The following CAPN2 variants were observed in gnomAD, a reference collection of about 807,000 sequenced individuals.
The protein encoded by CAPN2 is calpain-2 catalytic subunit.
CAPN2 carries 92 observed loss-of-function variants against 102.3 expected under a neutral mutation model. That is an observed-to-expected ratio of 0.90 (90% CI 0.76 to 1.07). CAPN2 has a LOEUF of 1.07. CAPN2 is among the 50% of genes least tolerant of loss of function. The probability of loss-of-function intolerance (pLI) is 0.00; values close to 1 mark genes in which losing one functional copy is unlikely to be tolerated. For missense variants in CAPN2, 800 were observed against 909.4 expected (o/e 0.88, Z 1.55); for synonymous variants, 340 against 355.4 (o/e 0.96, Z 0.49).
At chr1:223,768,415 C>T (rs989642980) in intron 16 of CAPN2, among the ~76,000 whole-genome samples, 31 of 150,242 alleles carry the variant, frequency 2.1e-4, no homozygotes, top group Non-Finnish European at 3.7e-4. Context: ...ATATGGCTAG[C>T]CAGTTTTCCC....
Position 223,770,464 on chromosome 1 carries a change from C to A in CAPN2, c.1842C>A (p.Ile614=), listed in dbSNP as rs779179250. 32 of 1,613,108 alleles carry A rather than the reference C, an allele frequency of 2.0e-5. No individual in the cohort carries two copies. The Middle Eastern group carries it at 6.6e-4, about 33-fold the overall frequency. ...TGTTCCAGAAAATTTACCGAGAAAT[C>A]GACGTTGACAGGTCTGGTACCATGA... is the stretch of plus-strand genomic sequence containing the variant. ...IQKYQKIYRE[I]DVDRSGTMNS... The change falls in exon 18 of 21, where the codon ATC becomes ATA. Residue 614 remains isoleucine (I), a synonymous_variant. Transcript: ENST00000295006.
rs1660188276 is a variant in CAPN2, at chr1:223,726,304, GA to G, written c.307+8474del. On this transcript the variant is annotated intron_variant, in intron 2 of 20. Coordinates refer to ENST00000295006, the MANE Select transcript of CAPN2 (RefSeq NM_001748.5). This position sits in a 1 kb window ranked among gnomAD's most constrained non-coding sequence, Gnocchi z 4.4. ...TGATGAGAGCAGGGATGGGGAGGAA[GA>G]GGGTGGGTTTGCCTGCGCCTGGGGG... Among the ~76,000 whole-genome samples the G allele has an allele frequency of 6.6e-6, 1 of 152,174 alleles. No homozygotes were observed. The highest frequency in any genetic ancestry group is 2.1e-4 in the South Asian group (1 of 4,826).
chr1:223,703,336 G>C (rs1659528199), intron 1 of CAPN2, among the ~76,000 whole-genome samples: 1 of 151,382 alleles, frequency 6.6e-6, no homozygotes, highest in Admixed American at 6.6e-5. Context: ...TTAGATGGGG[G>C]TCTCTCTATG....
intron 2 of CAPN2, among the ~76,000 whole-genome samples, chr1:223,720,315 C>CTCTTTTTTTTTT (rs564518898): frequency 3.7e-5 from 4 of 107,468 alleles, no homozygotes; most frequent in East Asian, 5.4e-4. Context: ...CTCTTTCTCT[C>CTCTTTTTTTTTT]TTTTTTTTTT....
rs1413497070 is a variant in CAPN2, at chr1:223,726,605, T to C, written c.307+8774T>C. Among the ~76,000 whole-genome samples the C allele has an allele frequency of 1.3e-5, 2 of 152,076 alleles. No homozygotes were observed. The highest frequency in any genetic ancestry group is 2.9e-5 in the Non-Finnish European group (2 of 68,006). On this transcript the variant is annotated intron_variant, in intron 2 of 20. Coordinates refer to ENST00000295006, the MANE Select transcript of CAPN2 (RefSeq NM_001748.5). This position sits in a 1 kb window ranked among gnomAD's most constrained non-coding sequence, Gnocchi z 4.4. ...CTTTTAGGGCCTCCCTTCTGGCAGA[T>C]AGGGCAGGGAGAAGGGAAAGGAAAG...
At chr1:223,732,550 G>C (rs1660362233) in intron 2 of CAPN2, among the ~76,000 whole-genome samples, 1 of 152,066 alleles carries the variant, frequency 6.6e-6, no homozygotes, top group South Asian at 2.1e-4. Flanking sequence ...TCACCATCTT[G>C]GTTTTGGTAG....
Position 223,712,712 on chromosome 1 carries a change from C to A in CAPN2, c.72C>A (p.Ala24=). 6.3e-7 allele frequency: 1 copy of A among 1,583,740 alleles called. No individual in the cohort carries two copies. The highest frequency in any genetic ancestry group is 2.4e-5 in the East Asian group (1 of 42,064). ...AAEGLGSHDR[A]IKYLNQDYEA... is the part of the protein sequence containing the mutation. ...AGGGGCTGGGCTCCCACGACAGGGC[C>A]ATCAAGTACCTCAACCAGGACTACG... Residue 24 remains alanine (A), a synonymous_variant, in exon 1 of 21, where the codon GCC becomes GCA. Coordinates refer to ENST00000295006, the MANE Select transcript of CAPN2 (RefSeq NM_001748.5).
At chr1:223,734,613 C>T (rs1660406396) in intron 2 of CAPN2, among the ~76,000 whole-genome samples, 1 of 152,156 alleles carries the variant, frequency 6.6e-6, no homozygotes, top group Non-Finnish European at 1.5e-5. Flanking sequence ...ACAACCCTCT[C>T]TCCTTGCCCC....
Position 223,752,009 on chromosome 1 carries a change from G to C in CAPN2, c.912G>C (p.Trp304Cys). 1.2e-6 allele frequency: 2 copies of C among 1,609,790 alleles called. No individual in the cohort carries two copies. The highest frequency in any genetic ancestry group is 1.7e-6 in the Non-Finnish European group (2 of 1,177,842). The change falls in exon 8 of 21, where the codon TGG (tryptophan) becomes TGC (cysteine). Residue 304 changes from tryptophan (W) to cysteine (C), a missense_variant. Coordinates refer to ENST00000295006, the MANE Select transcript of CAPN2 (RefSeq NM_001748.5). ...TGRWNDNCPSWNTIDPEERER... is the reference protein window; with the variant it reads ...TGRWNDNCPSCNTIDPEERER... ...CTTTGTTTTCCAGCTGCCCAAGCTG[G>C]AACACTATAGACCCAGAGGAGAGGG...
At chr1:223,761,742 A>G in intron 13 of CAPN2, 125 bp downstream of exon 13, 1 of 788,864 alleles carries the variant, frequency 1.3e-6, no homozygotes, top group Non-Finnish European at 2.1e-6. Context: ...AAAGCCGGGT[A>G]CTGGGAATCC....
rs372469023 is a variant in CAPN2, at chr1:223,744,257, C to A, written c.426+39C>A. On this transcript the variant is annotated intron_variant, in intron 3 of 20. Transcript: ENST00000295006. ...TGGCTCAGGTGGTTCCTCAACAGGTCCAGGGGGCTAGGAACAGTCTTCTGG... is the reference window on the plus strand; with the variant it reads ...TGGCTCAGGTGGTTCCTCAACAGGTACAGGGGGCTAGGAACAGTCTTCTGG... 7 of 1,304,742 alleles carry A rather than the reference C, an allele frequency of 5.4e-6. No homozygotes were observed. The African/African-American group carries it at 7.3e-5, about 14-fold the overall frequency. The allele number at this position is 1,304,742 out of a possible 1,614,324, so 80.8% of individuals were successfully genotyped here. A position where few individuals can be genotyped will look rare whatever the true frequency, so the allele number is the denominator to read the frequency against.
chr1:223,766,577 G>A (rs539138964), intron 16 of CAPN2, 146 bp downstream of exon 16: 2 of 664,006 alleles, frequency 3.0e-6, no homozygotes, highest in Non-Finnish European at 5.4e-6. Flanking sequence ...CAGCAGCGCT[G>A]ACCTCCCTTA....
In CAPN2 at chr1:223,712,590, G is replaced by A. The variant is rs1183647963; in HGVS notation, c.-51G>A. On this transcript the variant is annotated 5_prime_UTR_variant, in exon 1 of 21. Coordinates refer to ENST00000295006, the MANE Select transcript of CAPN2 (RefSeq NM_001748.5). ...TGGCCGCGCCCCAGCCGAGCGCAGC[G>A]CGGAGTCGCCCCGACCTTTCTCTGC... 1 of 1,451,038 alleles carries A rather than the reference G, an allele frequency of 6.9e-7. No individual in the cohort carries two copies. Among genetic ancestry groups the A allele is most frequent in the Non-Finnish European group, 9.1e-7 (1 of 1,101,990 alleles). 89.9% of individuals were successfully genotyped at this position (1,451,038 alleles called of 1,614,324 possible). A position where few individuals can be genotyped will look rare whatever the true frequency, so the allele number is the denominator to read the frequency against.
At chr1:223,771,993 C>A in intron 19 of CAPN2, 68 bp downstream of exon 19, 4 of 1,197,296 alleles carry the variant, frequency 3.3e-6, no homozygotes, top group African/African-American at 1.5e-5. Context: ...CCTTTCACCT[C>A]GGTGAAATCA....
At chr1:223,718,684 T>C (rs1040320164) in intron 2 of CAPN2, among the ~76,000 whole-genome samples, 6 of 152,228 alleles carry the variant, frequency 3.9e-5, no homozygotes, top group Non-Finnish European at 8.8e-5. Flanking sequence ...CTCAGCTGGC[T>C]GGCTCCCCAG....
intron 2 of CAPN2, among the ~76,000 whole-genome samples, chr1:223,730,571 C>A (rs138629392): frequency 1.3e-5 from 2 of 152,266 alleles, no homozygotes; most frequent in Admixed American, 1.3e-4. Flanking sequence ...TGCTATCTGT[C>A]ATGTGATGCT....
At chr1:223,728,725 G>A (rs913347600) in intron 2 of CAPN2, among the ~76,000 whole-genome samples, 23 of 152,164 alleles carry the variant, frequency 1.5e-4, no homozygotes, top group African/African-American at 5.6e-4. Context: ...TTGCGGGGTG[G>A]GGAGGATGTG....
At position 223,731,177 on chromosome 1, in the gene CAPN2, G is replaced by A. The variant is rs1249763106; in HGVS notation, c.308-12923G>A. On this transcript the variant is annotated intron_variant, in intron 2 of 20. Transcript: ENST00000295006. This position sits in a 1 kb window ranked among gnomAD's most constrained non-coding sequence, Gnocchi z 4.2. ...AGGTTTCCCACAAAGAGGAAGCAGG[G>A]AGTGATTCATTCTGAAAAAGGCAAA... Among the ~76,000 whole-genome samples the A allele has an allele frequency of 6.6e-6, 1 of 152,148 alleles. No individual in the cohort carries two copies. Among genetic ancestry groups the A allele is most frequent in the Non-Finnish European group, 1.5e-5 (1 of 68,024 alleles).
chr1:223,774,161 C>T lies in CAPN2; in HGVS notation c.2080-673C>T, dbSNP rs572995303. On this transcript the variant is annotated intron_variant, in intron 20 of 20. Coordinates refer to ENST00000295006, the MANE Select transcript of CAPN2 (RefSeq NM_001748.5). ...TCCTATTCTACCCCAGCCACCCACC[C>T]CCACTCCAGGGTCCACCTGGCCTGC... is the stretch of plus-strand genomic sequence containing the variant. Among the ~76,000 whole-genome samples the T allele has an allele frequency of 1.9e-4, 29 of 152,208 alleles. 1 individual carries two copies. The South Asian group carries it at 5.6e-3, about 29-fold the overall frequency.
Sources: gnomAD v4.1 joint callset for allele counts (sites outside exome capture counted in the v4.1 genomes callset) on GRCh38, gnomAD v4.1.1 for gene constraint, Gnocchi (gnomAD v3.1) non-coding constraint, MANE v1.5 for transcripts, NCBI Gene and HGNC (gene_info 2026-07-23, HGNC 2026-07-21) for gene names.